The following DUSP3 variants were observed in gnomAD, a reference collection of about 807,000 sequenced individuals.
DUSP3 encodes the protein dual specificity phosphatase 3, also known as dual specificity protein phosphatase 3.
DUSP3 carries 7 observed loss-of-function variants against 15.5 expected under a neutral mutation model. That is an observed-to-expected ratio of 0.45 (90% CI 0.26 to 0.85). DUSP3 has a LOEUF of 0.85. Among genes scored for constraint, DUSP3 ranks in the 40% least tolerant of loss-of-function variants. The pLI is 0.18. For synonymous variants in DUSP3, 86 were observed against 104.2 expected (o/e 0.83, Z 1.07); for missense variants, 209 against 251.7 (o/e 0.83, Z 1.15).
chr17:43,776,796 G>C (rs1974393654), intron 1 of DUSP3, among the ~76,000 whole-genome samples: 2 of 152,186 alleles, frequency 1.3e-5, no homozygotes, highest in African/African-American at 4.8e-5. Flanking sequence ...GGCTAACAAG[G>C]CCTGCTTGCT....
intron 1 of DUSP3, among the ~76,000 whole-genome samples, chr17:43,776,272 C>T (rs1006839614): frequency 6.6e-6 from 1 of 152,236 alleles, no homozygotes; most frequent in Non-Finnish European, 1.5e-5. Context: ...CTGCGAGCAG[C>T]CCTGTGAGGA....
rs765209188 is a variant in DUSP3, at chr17:43,769,759, G to A, written c.408C>T (p.Ile136=). ...TCTTCTGCCGCATCATGAGGTAGGC[G>A]ATAACTAGCGTTGGGGAGCGGCTAT... ...EGYSRSPTLV[I]AYLMMRQKMD... Residue 136 remains isoleucine, a synonymous_variant, in exon 3 of 3, where the codon ATC becomes ATT. Transcript: ENST00000226004. 5.0e-6 allele frequency: 8 copies of A among 1,614,094 alleles called. No homozygotes were observed. Among genetic ancestry groups the A allele is most frequent in the Non-Finnish European group, 5.1e-6 (6 of 1,179,998 alleles).
chr17:43,769,422 G>A lies in DUSP3; in HGVS notation c.*187C>T. The stretch of plus-strand genomic sequence containing the variant: ...ACTGGGGAGCAAGGACGCCCCCCTT[G>A]GCAAGCTTCTTTATGTGCTCCCCAG... On this transcript the variant is annotated 3_prime_UTR_variant, in exon 3 of 3. Coordinates refer to ENST00000226004, the MANE Select transcript of DUSP3 (RefSeq NM_004090.4). 1 of 616,754 alleles carries A rather than the reference G, an allele frequency of 1.6e-6. No individual in the cohort carries two copies. The highest frequency in any genetic ancestry group is 2.3e-5 in the South Asian group (1 of 42,564). The allele number at this position is 616,754 out of a possible 1,614,324, so 38.2% of individuals were successfully genotyped here.
chr17:43,770,998 G>A (rs1280785638), intron 2 of DUSP3, among the ~76,000 whole-genome samples: 58 of 125,846 alleles, frequency 4.6e-4, no homozygotes, highest in Non-Finnish European at 8.0e-4. Flanking sequence ...ATATGTGTGT[G>A]TGTGTGTGTG....
chr17:43,778,899 A>C lies in DUSP3; in HGVS notation c.26T>G (p.Val9Gly), dbSNP rs1974428331. The C allele has an allele frequency of 6.7e-7, 1 of 1,490,252 alleles. No homozygotes were observed. Among genetic ancestry groups the C allele is most frequent in the Non-Finnish European group, 8.9e-7 (1 of 1,118,702 alleles). The allele number at this position is 1,490,252 out of a possible 1,614,324, so 92.3% of individuals were successfully genotyped here. ...CGAGAGCAGGTCGTTGAGATCCTGCACCGAGAGCTCGAACGAGCCCGACAT... is the reference window on the plus strand; with the variant it reads ...CGAGAGCAGGTCGTTGAGATCCTGCCCCGAGAGCTCGAACGAGCCCGACAT... The part of the protein sequence containing the change: MSGSFELS[V>G]QDLNDLLSDG... Residue 9 changes from valine to glycine, a missense_variant, in exon 1 of 3, where the codon GTG (valine) becomes GGG (glycine). Transcript: ENST00000226004.
At chr17:43,771,455 C>A (rs1974319044) in intron 2 of DUSP3, among the ~76,000 whole-genome samples, 1 of 152,154 alleles carries the variant, frequency 6.6e-6, no homozygotes, top group Non-Finnish European at 1.5e-5. Context: ...GTTATTAACT[C>A]ATGATCCACC....
At position 43,774,559 on chromosome 17, in the gene DUSP3, AG is replaced by A. The variant is rs546888717; in HGVS notation, c.352+152del. Reference sequence around the variant, plus strand: ...ACACGGGGCCACTTGACAGCCAGCCAGGTGAGCAGAGAGAGACCTACAGCTC... The same window carrying A: ...ACACGGGGCCACTTGACAGCCAGCCAGTGAGCAGAGAGAGACCTACAGCTC... On this transcript the variant is annotated intron_variant, in intron 2 of 2. Transcript: ENST00000226004. Among the ~76,000 whole-genome samples, 156 of 152,308 alleles carry A rather than the reference AG, an allele frequency of 1.0e-3. 1 individual carries two copies. The highest frequency in any genetic ancestry group is 3.6e-3 in the African/African-American group (148 of 41,568).
In DUSP3 at chr17:43,769,651, C is replaced by A. The variant is rs1974286822; in HGVS notation, c.516G>T (p.Gln172His). The A allele has an allele frequency of 6.2e-7, 1 of 1,612,708 alleles. No homozygotes were observed. Among genetic ancestry groups the A allele is most frequent in the African/African-American group, 1.3e-5 (1 of 74,880 alleles). ...CCTCCTTGGCTAGTCTGTCATTGAGCTGGCAGAGCTGGGCCAGGAAGCCAT... is the reference window on the plus strand; with the variant it reads ...CCTCCTTGGCTAGTCTGTCATTGAGATGGCAGAGCTGGGCCAGGAAGCCAT... The part of the protein sequence containing the change: ...PNDGFLAQLC[Q>H]LNDRLAKEGK... The change falls in exon 3 of 3, where the codon CAG becomes CAT. Residue 172 changes from glutamine (Q) to histidine (H), a missense_variant. Physicochemically the swap from Gln to His is conservative, Grantham distance 24. Coordinates refer to ENST00000226004, the MANE Select transcript of DUSP3 (RefSeq NM_004090.4).
chr17:43,770,525 C>T (rs1383865532), intron 2 of DUSP3, among the ~76,000 whole-genome samples: 2 of 151,878 alleles, frequency 1.3e-5, no homozygotes, highest in Admixed American at 6.5e-5. Flanking sequence ...GGTGTGGTGG[C>T]GCGAGCCTAT....
Position 43,767,956 on chromosome 17 carries a change from C to T in DUSP3, c.*1653G>A, listed in dbSNP as rs1598299373. ...AACTCTGAAAAAGGCACATTCCCTA[C>T]CTTGGCATATTAACACTGCCTGAAT... On this transcript the variant is annotated 3_prime_UTR_variant, in exon 3 of 3. Transcript: ENST00000226004. 1 of 152,316 alleles carries T rather than the reference C, an allele frequency of 6.6e-6. No homozygotes were observed. Among genetic ancestry groups the T allele is most frequent in the East Asian group, 1.9e-4 (1 of 5,180 alleles). The allele number at this position is 152,316 out of a possible 1,614,324, so 9.4% of individuals were successfully genotyped here.
In DUSP3 at chr17:43,768,618, C is replaced by T. The variant is rs894812861; in HGVS notation, c.*991G>A. The T allele has an allele frequency of 1.3e-5, 2 of 152,290 alleles. No individual in the cohort carries two copies. Among genetic ancestry groups the T allele is most frequent in the East Asian group, 3.9e-4 (2 of 5,174 alleles). The allele number at this position is 152,290 out of a possible 1,614,324, so 9.4% of individuals were successfully genotyped here. ...TGAGAGGCACGCCCCCCACACACATCCATGCACACACGCTGTAATTGGCCA... is the reference window on the plus strand; with the variant it reads ...TGAGAGGCACGCCCCCCACACACATTCATGCACACACGCTGTAATTGGCCA... On this transcript the variant is annotated 3_prime_UTR_variant, in exon 3 of 3. Coordinates refer to ENST00000226004, the MANE Select transcript of DUSP3 (RefSeq NM_004090.4).
At chr17:43,771,516 CA>C (rs1234009297) in intron 2 of DUSP3, among the ~76,000 whole-genome samples, 2 of 141,074 alleles carry the variant, frequency 1.4e-5, no homozygotes, top group Non-Finnish European at 3.1e-5. Flanking sequence ...ACCCATTGCA[CA>C]AGGTGGTTAG....
chr17:43,778,324 GC>G (rs1006050092), intron 1 of DUSP3: 22 of 153,492 alleles, frequency 1.4e-4, no homozygotes, highest in African/African-American at 5.3e-4. Context: ...ATCCGGGACT[GC>G]CGGGCCGGGA....
intron 1 of DUSP3, among the ~76,000 whole-genome samples, chr17:43,775,787 G>A (rs752458194): frequency 7.2e-5 from 11 of 152,172 alleles, no homozygotes; most frequent in Non-Finnish European, 1.2e-4. Flanking sequence ...TGGGGAGTAA[G>A]TGGCCCCAAC....
intron 2 of DUSP3, among the ~76,000 whole-genome samples, chr17:43,770,084 G>A (rs1342020272): frequency 1.3e-5 from 2 of 152,124 alleles, no homozygotes; most frequent in Non-Finnish European, 2.9e-5. Context: ...TCCTCAAGCT[G>A]AACACGTGCA....
Position 43,767,294 on chromosome 17 carries a change from C to T in DUSP3, c.*2315G>A, listed in dbSNP as rs1974252721. 6.6e-6 allele frequency: 1 copy of T among 152,632 alleles called. No homozygotes were observed. The highest frequency in any genetic ancestry group is 1.5e-5 in the Non-Finnish European group (1 of 68,098). 9.5% of individuals were successfully genotyped at this position (152,632 alleles called of 1,614,324 possible). Reference sequence around the variant, plus strand: ...CCCAGCCCCAGCTCCCTAGCCTTTTCCAGGAGCAGAGCAGAAAGCTCTACT... The same window carrying T: ...CCCAGCCCCAGCTCCCTAGCCTTTTTCAGGAGCAGAGCAGAAAGCTCTACT... On this transcript the variant is annotated 3_prime_UTR_variant, in exon 3 of 3. Coordinates refer to ENST00000226004, the MANE Select transcript of DUSP3 (RefSeq NM_004090.4).
intron 2 of DUSP3, among the ~76,000 whole-genome samples, chr17:43,771,604 T>C (rs1974321002): frequency 6.6e-6 from 1 of 152,172 alleles, no homozygotes; most frequent in Non-Finnish European, 1.5e-5. Context: ...TACCCAATAC[T>C]GGGCATCCTC....
chr17:43,776,140 T>A (rs1344757465), intron 1 of DUSP3, among the ~76,000 whole-genome samples: 1 of 152,088 alleles, frequency 6.6e-6, no homozygotes, highest in Non-Finnish European at 1.5e-5. Flanking sequence ...TAAAATAAAA[T>A]AAAAATAATA....
chr17:43,777,403 G>A (rs1974402841), intron 1 of DUSP3: 1 of 425,274 alleles, frequency 2.4e-6, no homozygotes, highest in Admixed American at 2.6e-5. Context: ...TGATGGAATG[G>A]ATGAGAACTG....
Sources: gnomAD v4.1 joint callset for allele counts (sites outside exome capture counted in the v4.1 genomes callset) on GRCh38, gnomAD v4.1.1 for gene constraint, MANE v1.5 for transcripts, NCBI Gene and HGNC (gene_info 2026-07-23, HGNC 2026-07-21) for gene names.